ALG8: variants seen among roughly 807,000 people sequenced by gnomAD.
ALG8 encodes the protein ALG8 alpha-1,3-glucosyltransferase.
ALG8 carries 48 observed loss-of-function variants against 70.2 expected under a neutral mutation model. That is an observed-to-expected ratio of 0.68 (90% CI 0.54 to 0.87). The LOEUF (loss-of-function observed/expected upper bound fraction) is 0.87, where lower values mean the gene tolerates loss of function less well. Ranked by LOEUF, ALG8 falls within the 40% of genes least tolerant of loss-of-function variation. ALG8 has a pLI of 0.00. For missense variants in ALG8, 572 were observed against 608.7 expected (o/e 0.94, Z 0.64); for synonymous variants, 234 against 229.0 (o/e 1.02, Z -0.20).
At chr11:78,112,797 TAA>T (rs1860361475) in intron 7 of ALG8, 27 bp from the exon 8 acceptor site, 5 of 1,610,708 alleles carry the variant, frequency 3.1e-6, no homozygotes, top group Non-Finnish European at 4.2e-6. Context: ...TGAAACTGAT[TAA>T]ACAGTCATCA....
chr11:78,133,826 C>G lies in ALG8; in HGVS notation c.95+5668G>C, dbSNP rs1004484833. Among the ~76,000 whole-genome samples the G allele has an allele frequency of 7.9e-5, 12 of 151,508 alleles. No homozygotes were observed. The South Asian group carries it at 1.9e-3, about 24-fold the overall frequency. ...CTGAGGCAGAAGAATGGTGTGAACC[C>G]GGAAGGTGAGCTTGCAGTGAGCCGA... On this transcript the variant is annotated intron_variant, in intron 1 of 12. Transcript: ENST00000299626.
intron 6 of ALG8, 138 bp from the exon 7 acceptor site, chr11:78,114,127 G>C: frequency 7.1e-7 from 1 of 1,407,884 alleles, no homozygotes; most frequent in Admixed American, 1.9e-5. Context: ...AGAGAAAAGC[G>C]AGAATGGGTA....
chr11:78,127,710 TTC>T lies in ALG8; in HGVS notation c.96-276_96-275del, dbSNP rs1255302989. 0.014 allele frequency among the ~76,000 whole-genome samples: 2,079 copies of T among 145,884 alleles called. 15 individuals are homozygous for T. The highest frequency in any genetic ancestry group is 0.028 in the Middle Eastern group (8 of 288). On this transcript the variant is annotated intron_variant, in intron 1 of 12. Transcript: ENST00000299626. Reference sequence around the variant, plus strand: ...GAAGCCCAGACTTTCTCTTTTTCTTTTCTTTTTTTTTTTTTTTGAGGCGGAGT... The same window carrying T: ...GAAGCCCAGACTTTCTCTTTTTCTTTTTTTTTTTTTTTTTTGAGGCGGAGT...
intron 1 of ALG8, chr11:78,139,046 G>A (rs766632834): frequency 5.8e-6 from 2 of 344,486 alleles, no homozygotes; most frequent in Admixed American, 4.2e-5. Context: ...CAGCCACTTA[G>A]TAACCCTCTA....
At chr11:78,121,287 CT>C (rs376124604) in intron 3 of ALG8, 113 bp from the exon 4 acceptor site, 133,894 of 555,986 alleles carry the variant, frequency 0.24, 2 homozygotes, top group South Asian at 0.29. Flanking sequence ...ACATGCCATT[CT>C]TTTTTTTTTT....
Position 78,109,540 on chromosome 11 carries a change from C to T in ALG8, c.940G>A (p.Ala314Thr), listed in dbSNP as rs1860188627. The change falls in exon 9 of 13, where the codon GCC becomes ACC. Residue 314 changes from alanine (A) to threonine (T), a missense_variant. Physicochemically the swap from Ala to Thr is moderately conservative, Grantham distance 58 (BLOSUM62 0). Transcript: ENST00000299626. ...TGAACCAAACCACTTGTCATTGAGGCCTTGGGAATATTGTTGGGATCAAGA... is the reference window on the plus strand; with the variant it reads ...TGAACCAAACCACTTGTCATTGAGGTCTTGGGAATATTGTTGGGATCAAGA... ...KFLDPNNIPK[A>T]SMTSGLVQQF... 3.1e-6 allele frequency: 5 copies of T among 1,614,014 alleles called. No individual in the cohort carries two copies. The East Asian group carries it at 1.1e-4, about 36-fold the overall frequency.
At chr11:78,138,019 A>C (rs1861620306) in intron 1 of ALG8, among the ~76,000 whole-genome samples, 1 of 152,198 alleles carries the variant, frequency 6.6e-6, no homozygotes, top group Non-Finnish European at 1.5e-5. Context: ...AGCGCTATAT[A>C]CATTCTTAAC....
intron 5 of ALG8, 116 bp downstream of exon 5, chr11:78,119,066 G>T: frequency 1.3e-6 from 1 of 752,220 alleles, no homozygotes; most frequent in Non-Finnish European, 2.3e-6. Flanking sequence ...AGTGTCTATC[G>T]CACTTGGCAG....
At chr11:78,121,015 A>C in intron 4 of ALG8, 50 bp downstream of exon 4, 2 of 1,399,200 alleles carry the variant, frequency 1.4e-6, no homozygotes, top group Non-Finnish European at 2.0e-6. Flanking sequence ...ATCTTGTATT[A>C]GTATACATCA....
intron 8 of ALG8, among the ~76,000 whole-genome samples, chr11:78,111,586 T>C (rs1860292922): frequency 6.6e-6 from 1 of 152,216 alleles, no homozygotes; most frequent in South Asian, 2.1e-4. Context: ...TGAATGGTTT[T>C]TACTTTTATA....
At chr11:78,120,986 A>G in intron 4 of ALG8, 79 bp downstream of exon 4, 2 of 1,323,008 alleles carry the variant, frequency 1.5e-6, no homozygotes, top group Non-Finnish European at 2.2e-6. Flanking sequence ...ATCTCCAATC[A>G]TTATTATAGA....
At chr11:78,138,958 G>C in intron 1 of ALG8, 1 of 356,540 alleles carries the variant, frequency 2.8e-6, no homozygotes, top group Non-Finnish European at 5.5e-6. Context: ...TCCTATGCCT[G>C]AACTGCTTTC....
At chr11:78,133,730 C>G (rs1452092363) in intron 1 of ALG8, among the ~76,000 whole-genome samples, 1 of 152,006 alleles carries the variant, frequency 6.6e-6, no homozygotes, top group Non-Finnish European at 1.5e-5. Flanking sequence ...GAAACCCCAT[C>G]TCTACTAAAA....
Position 78,139,522 on chromosome 11 carries a change from G to C in ALG8, c.67C>G (p.Leu23Val). The change falls in exon 1 of 13, where the codon CTT becomes GTT. Residue 23 changes from leucine to valine, a missense_variant. Physicochemically the swap from Leu to Val is conservative, Grantham distance 32. Coordinates refer to ENST00000299626, the MANE Select transcript of ALG8 (RefSeq NM_024079.5). ...GTGGGGATGAGAAGGCATTTGAGAA[G>C]AGTCACCCCGAGCGCCAAAGCCGAA... ...WFSALALGVT[L>V]LKCLLIPTYH... 2 of 1,562,716 alleles carry C rather than the reference G, an allele frequency of 1.3e-6. No homozygotes were observed. Among genetic ancestry groups the C allele is most frequent in the East Asian group, 2.4e-5 (1 of 41,918 alleles).
At position 78,130,361 on chromosome 11, in the gene ALG8, A is replaced by AAAAAAAAAAGAAAAGAAAAGAAAG. The variant is rs928560857; in HGVS notation, c.96-2926_96-2925insCTTTCTTTTCTTTTCTTTTTTTTT. 5.9e-3 allele frequency among the ~76,000 whole-genome samples: 776 copies of AAAAAAAAAAGAAAAGAAAAGAAAG among 132,600 alleles called. 36 individuals are homozygous for AAAAAAAAAAGAAAAGAAAAGAAAG. The highest frequency in any genetic ancestry group is 0.019 in the African/African-American group (586 of 31,628). 87.0% of individuals were successfully genotyped at this position (132,600 alleles called of 152,430 possible). On this transcript the variant is annotated intron_variant, in intron 1 of 12. Transcript: ENST00000299626. ...AAGACCCGGTCTCAAAAAAAAAAAA[A>AAAAAAAAAAGAAAAGAAAAGAAAG]AAAAAAGGTGAGAATATCAATACCT...
At chr11:78,130,133 C>T (rs1460515356) in intron 1 of ALG8, among the ~76,000 whole-genome samples, 2 of 152,158 alleles carry the variant, frequency 1.3e-5, no homozygotes, top group African/African-American at 4.8e-5. Flanking sequence ...GGGTGGATCA[C>T]TTGAGCTCAG....
chr11:78,114,522 T>C, intron 5 of ALG8, 130 bp from the exon 6 acceptor site: 11 of 1,087,504 alleles, frequency 1.0e-5, no homozygotes, highest in Non-Finnish European at 1.5e-5. Context: ...TTCAAATGCA[T>C]CAATATTGCT....
At chr11:78,138,344 A>G (rs1861634755) in intron 1 of ALG8, among the ~76,000 whole-genome samples, 1 of 129,344 alleles carries the variant, frequency 7.7e-6, no homozygotes, top group South Asian at 2.5e-4. Context: ...GTGGGACGAG[A>G]CTGTCTCAAA....
At chr11:78,121,261 T>A in intron 3 of ALG8, 87 bp from the exon 4 acceptor site, 1 of 950,654 alleles carries the variant, frequency 1.1e-6, no homozygotes, top group East Asian at 2.4e-5. Context: ...GATACATTAG[T>A]CATTCCTGAC....
Sources: allele counts gnomAD v4.1 joint callset (sites outside exome capture counted in the v4.1 genomes callset), GRCh38; gene constraint gnomAD v4.1.1; transcripts MANE v1.5; gene names NCBI Gene and HGNC (gene_info 2026-07-23, HGNC 2026-07-21).